Variants in RBMS3 observed in about 807,000 individuals in gnomAD.
The protein encoded by RBMS3 is RNA-binding motif, single-stranded-interacting protein 3.
RBMS3 carries 27 observed loss-of-function variants against 66.8 expected under a neutral mutation model. The ratio of observed to expected loss-of-function variants is 0.40; its 90% CI spans 0.30 to 0.56. The LOEUF is 0.56. Among genes scored for constraint, RBMS3 ranks in the 20% least tolerant of loss-of-function variants. The pLI, the probability that RBMS3 is intolerant of heterozygous loss-of-function variation, is 0.40. For missense variants in RBMS3, 513 were observed against 549.5 expected, an observed-to-expected ratio of 0.93 and a Z score of 0.66; for synonymous variants, 188 against 183.0, an observed-to-expected ratio of 1.03 and a Z score of -0.22.
At chr3:29,523,083 G>A (rs1286581037) in intron 3 of RBMS3, among the ~76,000 whole-genome samples, 1 of 152,174 alleles carries the variant, frequency 6.6e-6, no homozygotes, top group Non-Finnish European at 1.5e-5. Context: ...TATTCCAGAT[G>A]GGGAAACTGA....
At chr3:29,310,031 G>T (rs1398809122) in intron 1 of RBMS3, among the ~76,000 whole-genome samples, 1 of 151,678 alleles carries the variant, frequency 6.6e-6, no homozygotes, top group African/African-American at 2.4e-5. Context: ...GGAGGAGGTG[G>T]CAGTGAAGAA....
chr3:29,644,021 T>C (rs2049825880), intron 4 of RBMS3, among the ~76,000 whole-genome samples: 1 of 152,232 alleles, frequency 6.6e-6, no homozygotes, highest in Non-Finnish European at 1.5e-5. Flanking sequence ...TCAGTGGCAG[T>C]ATGCCGCTTC....
At chr3:29,922,124 G>T (rs1375503) in intron 10 of RBMS3, among the ~76,000 whole-genome samples, 128,762 of 152,220 alleles carry the variant, frequency 0.85, 54,601 homozygotes, top group East Asian at 0.99. Context: ...TATTGCATTT[G>T]TGAAACTTAC....
intron 1 of RBMS3, among the ~76,000 whole-genome samples, chr3:29,346,867 C>T (rs556605321): frequency 4.6e-5 from 7 of 152,286 alleles, no homozygotes; most frequent in Admixed American, 1.3e-4. Flanking sequence ...TGTTGAAGCT[C>T]TTTGTACACA....
At chr3:29,516,273 A>C (rs2044616537) in intron 3 of RBMS3, among the ~76,000 whole-genome samples, 1 of 152,220 alleles carries the variant, frequency 6.6e-6, no homozygotes, top group African/African-American at 2.4e-5. Context: ...AGTTTGATGT[A>C]TTTCTAGGAC....
intron 1 of RBMS3, among the ~76,000 whole-genome samples, chr3:29,398,764 T>C (rs966559064): frequency 8.5e-5 from 13 of 152,114 alleles, no homozygotes; most frequent in African/African-American, 2.9e-4. Context: ...AAAAAATGTT[T>C]ACATGCCATG....
chr3:29,359,459 T>G (rs1354663452), intron 1 of RBMS3, among the ~76,000 whole-genome samples: 1 of 152,222 alleles, frequency 6.6e-6, no homozygotes, highest in Admixed American at 6.5e-5. Context: ...AGTATTTTAT[T>G]GAGGATTTTT....
At chr3:29,777,977 T>C (rs1246288129) in intron 6 of RBMS3, among the ~76,000 whole-genome samples, 1 of 151,934 alleles carries the variant, frequency 6.6e-6, no homozygotes, top group East Asian at 1.9e-4. Flanking sequence ...GTCGTTCAAA[T>C]AAATACTTAT....
chr3:29,943,537 A>G (rs374910068), intron 11 of RBMS3, among the ~76,000 whole-genome samples: 5 of 151,938 alleles, frequency 3.3e-5, no homozygotes, highest in African/African-American at 9.6e-5. Context: ...AGCTTTATCT[A>G]GAATTTGACA....
At chr3:29,928,211 T>TATATACACACACAC (rs1291440563) in intron 10 of RBMS3, among the ~76,000 whole-genome samples, 19 of 93,490 alleles carry the variant, frequency 2.0e-4, no homozygotes, top group African/African-American at 8.0e-4. Flanking sequence ...TATATATATA[T>TATATACACACACAC]ACACACACAC....
intron 5 of RBMS3, among the ~76,000 whole-genome samples, chr3:29,741,559 T>C (rs1369090002): frequency 1.3e-5 from 2 of 152,232 alleles, no homozygotes; most frequent in Non-Finnish European, 2.9e-5. Context: ...TCTCCTTCAT[T>C]TGGACTCTTG....
At chr3:29,737,296 A>G (rs1410783434) in intron 4 of RBMS3, among the ~76,000 whole-genome samples, 1 of 152,204 alleles carries the variant, frequency 6.6e-6, no homozygotes, top group African/African-American at 2.4e-5. Context: ...TTTTTAAAAT[A>G]GATTTATTTA....
Position 29,944,206 on chromosome 3 carries a change from G to A in RBMS3, c.1051-1G>A. ...CTTTCTCATGCTCTTTTCATTCAAAGATTCAATCCCAAGACAGGATTATGA... is the reference window on the plus strand; with the variant it reads ...CTTTCTCATGCTCTTTTCATTCAAAAATTCAATCCCAAGACAGGATTATGA... On this transcript the variant is annotated splice_acceptor_variant, in intron 11 of 14. Coordinates refer to ENST00000383767, the MANE Select transcript of RBMS3 (RefSeq NM_001003793.3). LOFTEE classifies it high-confidence loss of function. 1 of 1,586,062 alleles carries A rather than the reference G, an allele frequency of 6.3e-7. No individual in the cohort carries two copies. Among genetic ancestry groups the A allele is most frequent in the South Asian group, 1.1e-5 (1 of 90,502 alleles).
At chr3:29,346,489 C>A (rs577488554) in intron 1 of RBMS3, among the ~76,000 whole-genome samples, 1 of 149,610 alleles carries the variant, frequency 6.7e-6, no homozygotes, top group Non-Finnish European at 1.5e-5. Flanking sequence ...CTGCAACCTC[C>A]GCCTCCCGGG....
chr3:29,305,445 C>G (rs556161888), intron 1 of RBMS3, among the ~76,000 whole-genome samples: 1 of 151,932 alleles, frequency 6.6e-6, no homozygotes, highest in Admixed American at 6.6e-5. Context: ...TCAATACATA[C>G]TCCTTGAGTG....
At chr3:29,337,717 T>C (rs1236085963) in intron 1 of RBMS3, among the ~76,000 whole-genome samples, 1 of 152,108 alleles carries the variant, frequency 6.6e-6, no homozygotes, top group African/African-American at 2.4e-5. Context: ...TAATGTGATA[T>C]GAAGCTGCAC....
intron 3 of RBMS3, among the ~76,000 whole-genome samples, chr3:29,548,243 CAGTG>C (rs758605647): frequency 9.2e-5 from 14 of 152,048 alleles, no homozygotes; most frequent in Admixed American, 2.6e-4. Context: ...ATGGACAAAA[CAGTG>C]AGACGCTTGA....
chr3:29,884,454 C>CTCTCTATCTCTG (rs1559767263), intron 8 of RBMS3, among the ~76,000 whole-genome samples: 2 of 135,740 alleles, frequency 1.5e-5, no homozygotes, highest in African/African-American at 5.6e-5. Flanking sequence ...CTCTCTCTCT[C>CTCTCTATCTCTG]TCTCTCTCTC....
In RBMS3 at chr3:29,662,158, G is replaced by C. The variant is rs554802199; in HGVS notation, c.399+74953G>C. 1.7e-4 allele frequency among the ~76,000 whole-genome samples: 26 copies of C among 152,048 alleles called. No individual in the cohort carries two copies. The South Asian group carries it at 5.2e-3, about 30-fold the overall frequency. On this transcript the variant is annotated intron_variant, in intron 4 of 14. Transcript: ENST00000383767. ...TTCTGTTAAAAATACAACACATAGA[G>C]AAAAAAGAATGTGATAACTGATTAT...
Sources: allele counts gnomAD v4.1 joint callset (sites outside exome capture counted in the v4.1 genomes callset), GRCh38; gene constraint gnomAD v4.1.1; transcripts MANE v1.5; gene names NCBI Gene and HGNC (gene_info 2026-07-23, HGNC 2026-07-21).